AUTS2: variants seen among roughly 807,000 people sequenced by gnomAD.
AUTS2 encodes activator of transcription and developmental regulator AUTS2.
In AUTS2, 17 loss-of-function variants were observed where a neutral mutation model predicts 112.4. The observed-to-expected ratio is 0.15, with a 90% CI of 0.10 to 0.23. The LOEUF is 0.23. AUTS2 is among the 10% of genes least tolerant of loss of function. The pLI, the probability that AUTS2 is intolerant of heterozygous loss-of-function variation, is 1.00. For missense variants in AUTS2, 1,510 were observed against 1,701.6 expected (o/e 0.89, Z 1.98); for synonymous variants, 751 against 702.7 (o/e 1.07, Z -1.09).
intron 4 of AUTS2, among the ~76,000 whole-genome samples, chr7:70,153,700 A>G (rs1261251127): frequency 2.6e-5 from 4 of 152,194 alleles, no homozygotes; most frequent in Non-Finnish European, 1.5e-5. Flanking sequence ...ACACCAGCCT[A>G]CTGCACTTTA....
chr7:70,478,920 A>G lies in AUTS2; in HGVS notation c.690+43139A>G, dbSNP rs1797685171. On this transcript the variant is annotated intron_variant, in intron 5 of 18. Transcript: ENST00000342771. ...AACTTTGAGCTCTTTAAAAGTGGAG[A>G]TTAGATGTTATGTCGCCAGACCCTT... 2.0e-5 allele frequency among the ~76,000 whole-genome samples: 3 copies of G among 152,084 alleles called. No individual in the cohort carries two copies. In the South Asian group the frequency reaches 6.2e-4, roughly 32 times the overall value.
chr7:70,340,829 C>T (rs1205042534), intron 4 of AUTS2, among the ~76,000 whole-genome samples: 4 of 152,164 alleles, frequency 2.6e-5, no homozygotes, highest in Admixed American at 6.5e-5. Context: ...AGGATTTTGG[C>T]GCCTGCCAAG....
rs572172462 is a variant in AUTS2, at chr7:69,598,633, A to AGCG, written c.-1003_-1001dup. 2,624 of 148,780 alleles carry AGCG rather than the reference A, an allele frequency of 0.018. 72 individuals are homozygous for AGCG. The highest frequency in any genetic ancestry group is 0.072 in the African/African-American group (2,446 of 34,094). The allele number at this position is 148,780 out of a possible 1,614,324, so 9.2% of individuals were successfully genotyped here. A position where few individuals can be genotyped will look rare whatever the true frequency, so the allele number is the denominator to read the frequency against. On this transcript the variant is annotated 5_prime_UTR_variant, in exon 1 of 19. Coordinates refer to ENST00000342771, the MANE Select transcript of AUTS2 (RefSeq NM_015570.4). Reference sequence around the variant, plus strand: ...CTCCCTCAGGCGGGGCGGCGAGAGAAGCGGCGGCGGCGGCGGCGGCACACC... The same window carrying AGCG: ...CTCCCTCAGGCGGGGCGGCGAGAGAAGCGGCGGCGGCGGCGGCGGCGGCACACC...
At chr7:70,170,196 T>A (rs1808599562) in intron 4 of AUTS2, among the ~76,000 whole-genome samples, 1 of 150,438 alleles carries the variant, frequency 6.6e-6, no homozygotes, top group South Asian at 2.1e-4. Flanking sequence ...GTCTTACTTC[T>A]TCGCCCAGGC....
chr7:70,726,486 A>G (rs940526410), intron 6 of AUTS2, among the ~76,000 whole-genome samples: 3 of 152,214 alleles, frequency 2.0e-5, no homozygotes, highest in Admixed American at 2.0e-4. Context: ...TCAAAATGGC[A>G]TCTGATGTTG....
At chr7:69,876,722 T>C (rs1056344564) in intron 1 of AUTS2, among the ~76,000 whole-genome samples, 1 of 151,486 alleles carries the variant, frequency 6.6e-6, no homozygotes, top group Non-Finnish European at 1.5e-5. Context: ...CAACTTTTAC[T>C]ACAGGAATTG....
At chr7:70,750,382 GGCATTGATTACAGCTCACT>G (rs2129555291) in intron 6 of AUTS2, among the ~76,000 whole-genome samples, 1 of 125,106 alleles carries the variant, frequency 8.0e-6, no homozygotes, top group African/African-American at 4.3e-5. Flanking sequence ...GGAGTGCAGT[GGCATTGATTACAGCTCACT>G]GCAGCCTCTA....
intron 2 of AUTS2, among the ~76,000 whole-genome samples, chr7:70,058,914 T>G (rs1024671283): frequency 6.6e-6 from 1 of 152,124 alleles, no homozygotes; most frequent in Non-Finnish European, 1.5e-5. Context: ...TGCAGAATCC[T>G]CCCTACCCCC....
chr7:70,458,267 A>G lies in AUTS2; in HGVS notation c.690+22486A>G, dbSNP rs191470902. On this transcript the variant is annotated intron_variant, in intron 5 of 18. Transcript: ENST00000342771. ...AACCTGCCCACATTGCTAAACTTCT[A>G]TATTACACATTTCTGTCAGGATGTC... Among the ~76,000 whole-genome samples, 572 of 152,292 alleles carry G rather than the reference A, an allele frequency of 3.8e-3. 4 individuals are homozygous for G. Among genetic ancestry groups the G allele is most frequent in the African/African-American group, 0.011 (443 of 41,554 alleles).
At chr7:69,743,689 A>G (rs1664865723) in intron 1 of AUTS2, among the ~76,000 whole-genome samples, 2 of 152,168 alleles carry the variant, frequency 1.3e-5, no homozygotes, top group South Asian at 2.1e-4. Context: ...CTGTCATTAT[A>G]GAGTTTTCTT....
chr7:69,790,458 A>T (rs1460856549), intron 1 of AUTS2, among the ~76,000 whole-genome samples: 1 of 152,140 alleles, frequency 6.6e-6, no homozygotes, highest in African/African-American at 2.4e-5. Context: ...GGTAATATAA[A>T]TGATAATTAC....
At chr7:70,281,911 C>A (rs932516646) in intron 4 of AUTS2, among the ~76,000 whole-genome samples, 3 of 152,214 alleles carry the variant, frequency 2.0e-5, no homozygotes, top group Non-Finnish European at 4.4e-5. Flanking sequence ...TCCACCCCAA[C>A]CCCCTGACCC....
intron 2 of AUTS2, among the ~76,000 whole-genome samples, chr7:70,110,918 C>G (rs1805049678): frequency 3.1e-5 from 4 of 129,630 alleles, no homozygotes. Flanking sequence ...GTCGCCCAGG[C>G]TGGAGCGCAG....
At chr7:70,108,877 G>A (rs975008770) in intron 2 of AUTS2, among the ~76,000 whole-genome samples, 1 of 149,686 alleles carries the variant, frequency 6.7e-6, no homozygotes. Context: ...CTCGGCTTCC[G>A]AAAGTGCTGG....
chr7:70,315,997 A>G (rs1388148355), intron 4 of AUTS2, among the ~76,000 whole-genome samples: 1 of 152,230 alleles, frequency 6.6e-6, no homozygotes, highest in South Asian at 2.1e-4. Flanking sequence ...TGAAGGTTTC[A>G]TAGCCAATCT....
chr7:70,411,475 A>G lies in AUTS2; in HGVS notation c.661-24277A>G, dbSNP rs192193346. 4.6e-5 allele frequency among the ~76,000 whole-genome samples: 7 copies of G among 152,314 alleles called. No homozygotes were observed. The East Asian group carries it at 9.6e-4, about 21-fold the overall frequency. ...GCACCTAGAGAATGCCAAAAAGTCA[A>G]TGTTCCTGCAGATACTAGAAGGGCA... is the stretch of plus-strand genomic sequence containing the variant. On this transcript the variant is annotated intron_variant, in intron 4 of 18. Coordinates refer to ENST00000342771, the MANE Select transcript of AUTS2 (RefSeq NM_015570.4).
At chr7:70,247,700 G>A (rs1320925277) in intron 4 of AUTS2, among the ~76,000 whole-genome samples, 2 of 151,990 alleles carry the variant, frequency 1.3e-5, no homozygotes, top group Non-Finnish European at 2.9e-5. Flanking sequence ...GTCATAATGA[G>A]CATTTTGTTT....
Position 70,525,687 on chromosome 7 carries a change from G to T in AUTS2, c.690+89906G>T, listed in dbSNP as rs111876740. 4.3e-3 allele frequency among the ~76,000 whole-genome samples: 658 copies of T among 152,272 alleles called. 6 individuals carry two copies. Among genetic ancestry groups the T allele is most frequent in the African/African-American group, 0.015 (620 of 41,556 alleles). ...GCCTGGTAAATATCATTGAGATTTG[G>T]CAGGACCAAAACTGAGCATTGGAAA... is the stretch of plus-strand genomic sequence containing the variant. On this transcript the variant is annotated intron_variant, in intron 5 of 18. Coordinates refer to ENST00000342771, the MANE Select transcript of AUTS2 (RefSeq NM_015570.4).
intron 6 of AUTS2, 94 bp from the exon 7 acceptor site, chr7:70,762,776 G>T: frequency 1.1e-6 from 1 of 933,322 alleles, no homozygotes; most frequent in Non-Finnish European, 1.7e-6. Flanking sequence ...TCCTGTTGCT[G>T]GAGTTGTGTG....
Sources: gnomAD v4.1 joint callset for allele counts (sites outside exome capture counted in the v4.1 genomes callset) on GRCh38, gnomAD v4.1.1 for gene constraint, MANE v1.5 for transcripts, NCBI Gene and HGNC (gene_info 2026-07-23, HGNC 2026-07-21) for gene names.